Variants in CACNB4 observed in about 807,000 individuals in gnomAD.
CACNB4 encodes voltage-dependent L-type calcium channel subunit beta-4.
In CACNB4, 32 loss-of-function variants were observed where a neutral mutation model predicts 71.2. The observed-to-expected ratio is 0.45, with a 90% CI of 0.34 to 0.60. CACNB4 has a LOEUF of 0.60. Among genes scored for constraint, CACNB4 ranks in the 20% least tolerant of loss-of-function variants. The pLI is 0.01. For missense variants in CACNB4, 464 were observed against 647.9 expected (o/e 0.72, Z 3.08); for synonymous variants, 231 against 236.9 (o/e 0.97, Z 0.23).
At chr2:152,058,813 C>G (rs2105324129) in intron 2 of CACNB4, among the ~76,000 whole-genome samples, 1 of 152,340 alleles carries the variant, frequency 6.6e-6, no homozygotes, top group East Asian at 1.9e-4. Context: ...TTCACAGTGG[C>G]CCCTCCCATC....
intron 2 of CACNB4, among the ~76,000 whole-genome samples, chr2:152,079,367 C>T (rs531813644): frequency 6.6e-6 from 1 of 151,758 alleles, no homozygotes; most frequent in South Asian, 2.1e-4. Flanking sequence ...GGATTACAGG[C>T]GTGAGCCACC....
chr2:151,852,289 AGCATCTAATGAAAGGAT>A (rs940954106), intron 12 of CACNB4: 4 of 152,198 alleles, frequency 2.6e-5, no homozygotes, highest in Non-Finnish European at 4.4e-5. Flanking sequence ...GCCAACTGTA[AGCATCTAATGAAAGGAT>A]GCATTATTAC....
chr2:151,982,507 G>A (rs1004681849), intron 2 of CACNB4, among the ~76,000 whole-genome samples: 4 of 151,998 alleles, frequency 2.6e-5, no homozygotes, highest in East Asian at 3.9e-4. Context: ...GGTGGCTGGC[G>A]CCTGTAGTCC....
intron 2 of CACNB4, among the ~76,000 whole-genome samples, chr2:151,980,843 CAG>C (rs1216571457): frequency 6.6e-6 from 1 of 152,176 alleles, no homozygotes; most frequent in African/African-American, 2.4e-5. Context: ...GTTGTTTTAA[CAG>C]AGTCTTTATT....
At chr2:151,995,105 C>T (rs1299271030) in intron 2 of CACNB4, among the ~76,000 whole-genome samples, 2 of 152,178 alleles carry the variant, frequency 1.3e-5, no homozygotes, top group Non-Finnish European at 2.9e-5. Context: ...CAAATTATTA[C>T]TGGCCTACTC....
chr2:151,916,565 G>A (rs1176097819), intron 2 of CACNB4, among the ~76,000 whole-genome samples: 1 of 152,146 alleles, frequency 6.6e-6, no homozygotes, highest in Non-Finnish European at 1.5e-5. Flanking sequence ...ATCTTATCTT[G>A]ATTACAAATT....
chr2:152,084,615 T>C (rs1011412266), intron 2 of CACNB4, among the ~76,000 whole-genome samples: 1 of 152,102 alleles, frequency 6.6e-6, no homozygotes, highest in African/African-American at 2.4e-5. Context: ...GCTTCCTTTG[T>C]TTTTTGTTCT....
intron 2 of CACNB4, among the ~76,000 whole-genome samples, chr2:151,997,457 C>T (rs1290311444): frequency 6.6e-6 from 1 of 152,036 alleles, no homozygotes; most frequent in East Asian, 1.9e-4. Context: ...TGGCGTGAAC[C>T]CAGGAGGCAG....
At chr2:151,945,539 T>C (rs2099865337) in intron 2 of CACNB4, among the ~76,000 whole-genome samples, 1 of 152,038 alleles carries the variant, frequency 6.6e-6, no homozygotes, top group Non-Finnish European at 1.5e-5. Flanking sequence ...TAGTCATAGC[T>C]ACTCAGGAGG....
At chr2:152,084,939 G>A (rs1407538996) in intron 2 of CACNB4, among the ~76,000 whole-genome samples, 1 of 152,044 alleles carries the variant, frequency 6.6e-6, no homozygotes, top group African/African-American at 2.4e-5. Context: ...TATACCCACA[G>A]GCTAGTGGGA....
At chr2:151,889,784 T>C (rs2099850287) in intron 2 of CACNB4, among the ~76,000 whole-genome samples, 1 of 152,182 alleles carries the variant, frequency 6.6e-6, no homozygotes, top group Non-Finnish European at 1.5e-5. Flanking sequence ...CCCAGAACTC[T>C]TTGCTAGGGC....
chr2:151,914,010 C>T (rs2099856880), intron 2 of CACNB4, among the ~76,000 whole-genome samples: 1 of 152,072 alleles, frequency 6.6e-6, no homozygotes, highest in Non-Finnish European at 1.5e-5. Context: ...CCTGAATTTG[C>T]ACGTTGGCCT....
chr2:151,956,387 G>A (rs1017499585), intron 2 of CACNB4, among the ~76,000 whole-genome samples: 1 of 152,212 alleles, frequency 6.6e-6, no homozygotes, highest in African/African-American at 2.4e-5. Context: ...GCTGATAAAA[G>A]CTGCAACATG....
intron 2 of CACNB4, among the ~76,000 whole-genome samples, chr2:151,919,098 G>C (rs1333282436): frequency 6.6e-6 from 1 of 152,092 alleles, no homozygotes; most frequent in African/African-American, 2.4e-5. Context: ...CCTCAGGAGG[G>C]GTGTTTCAAA....
intron 2 of CACNB4, among the ~76,000 whole-genome samples, chr2:151,975,327 A>T (rs1478922880): frequency 6.6e-6 from 1 of 152,212 alleles, no homozygotes; most frequent in Non-Finnish European, 1.5e-5. Flanking sequence ...CAGCTACAAC[A>T]GCTGAGCAGA....
chr2:151,930,633 G>A (rs1457899464), intron 2 of CACNB4, among the ~76,000 whole-genome samples: 2 of 152,090 alleles, frequency 1.3e-5, no homozygotes, highest in Non-Finnish European at 1.5e-5. Flanking sequence ...GCAGAGGATT[G>A]CTAGGCAGAA....
At chr2:151,971,461 C>T (rs1303881086) in intron 2 of CACNB4, 4 of 702,080 alleles carry the variant, frequency 5.7e-6, no homozygotes, top group South Asian at 1.5e-5. Context: ...CTGCAGCTAG[C>T]CATCTGAGAA....
chr2:151,853,768 G>A (rs752974909), intron 11 of CACNB4: 5 of 378,972 alleles, frequency 1.3e-5, no homozygotes, highest in African/African-American at 2.2e-5. Context: ...TGAAGTCTCA[G>A]GAGGAGCCTG....
At chr2:152,045,040 T>C (rs977697600) in intron 2 of CACNB4, among the ~76,000 whole-genome samples, 1 of 152,114 alleles carries the variant, frequency 6.6e-6, no homozygotes, top group African/African-American at 2.4e-5. Flanking sequence ...TGAGATGATA[T>C]TGGTCTGGCT....
Sources: allele counts gnomAD v4.1 joint callset (sites outside exome capture counted in the v4.1 genomes callset), GRCh38; gene constraint gnomAD v4.1.1; transcripts MANE v1.5; gene names NCBI Gene and HGNC (gene_info 2026-07-23, HGNC 2026-07-21).